The following LMBRD1 variants were observed in gnomAD, a reference collection of about 807,000 sequenced individuals.
The protein encoded by LMBRD1 is LMBR1 domain containing 1, also known as lysosomal cobalamin transport escort protein LMBD1.
A neutral mutation model predicts 74.8 loss-of-function variants in LMBRD1; 64 were observed. The observed-to-expected ratio is 0.86, with a 90% CI of 0.70 to 1.05. LMBRD1 has a LOEUF of 1.05. Ranked by LOEUF, LMBRD1 falls within the 50% of genes least tolerant of loss-of-function variation. The pLI, the probability that LMBRD1 is intolerant of heterozygous loss-of-function variation, is 0.00. For synonymous variants in LMBRD1, 204 were observed against 216.3 expected (o/e 0.94, Z 0.50); for missense variants, 652 against 645.9 (o/e 1.01, Z -0.10).
Position 69,753,446 on chromosome 6 carries a change from T to C in LMBRD1, c.308-1090A>G, listed in dbSNP as rs192612392. Among the ~76,000 whole-genome samples the C allele has an allele frequency of 1.1e-4, 16 of 152,286 alleles. 1 individual carries two copies. The highest frequency in any genetic ancestry group is 3.9e-4 in the East Asian group (2 of 5,186). On this transcript the variant is annotated intron_variant, in intron 3 of 15. Coordinates refer to ENST00000649934, the MANE Select transcript of LMBRD1 (RefSeq NM_018368.4). ...AAAACAATAATAATGACAAGTGTTG[T>C]CAAGGATGTGGAGGAACTGGAACCC...
intron 3 of LMBRD1, among the ~76,000 whole-genome samples, chr6:69,753,992 T>C (rs1582126989): frequency 6.6e-6 from 1 of 150,766 alleles, no homozygotes; most frequent in Non-Finnish European, 1.5e-5. Context: ...ACAACACAGA[T>C]GAACTTAGCA....
chr6:69,785,796 C>T (rs1765932199), intron 2 of LMBRD1, among the ~76,000 whole-genome samples: 1 of 152,182 alleles, frequency 6.6e-6, no homozygotes, highest in African/African-American at 2.4e-5. Flanking sequence ...AACAGTCTGG[C>T]TCCTGCCTTA....
intron 8 of LMBRD1, among the ~76,000 whole-genome samples, chr6:69,717,677 T>A (rs1303606100): frequency 6.6e-6 from 1 of 152,134 alleles, no homozygotes; most frequent in Admixed American, 6.6e-5. Flanking sequence ...TAGCACAGGT[T>A]TTGAATTGCT....
chr6:69,703,480 A>T (rs1293102360), intron 9 of LMBRD1, among the ~76,000 whole-genome samples: 9 of 148,788 alleles, frequency 6.0e-5, no homozygotes, highest in South Asian at 2.1e-4. Flanking sequence ...ATTTAAAATT[A>T]AAAAAAAAAC....
intron 14 of LMBRD1, among the ~76,000 whole-genome samples, chr6:69,686,868 T>C (rs368298518): frequency 1.3e-5 from 2 of 152,188 alleles, no homozygotes; most frequent in Non-Finnish European, 1.5e-5. Context: ...GCTACAGCCA[T>C]CCCTTAAGTA....
chr6:69,733,580 A>AGGG (rs1362828093), intron 7 of LMBRD1, among the ~76,000 whole-genome samples: 5 of 152,184 alleles, frequency 3.3e-5, no homozygotes, highest in African/African-American at 4.8e-5. Flanking sequence ...TATACACACC[A>AGGG]TGATGCCCCT....
intron 9 of LMBRD1, among the ~76,000 whole-genome samples, chr6:69,711,313 T>C (rs189760855): frequency 2.0e-5 from 3 of 152,208 alleles, no homozygotes; most frequent in East Asian, 3.9e-4. Context: ...TTACCTAAAG[T>C]CTGAGCTCAG....
At position 69,741,770 on chromosome 6, in the gene LMBRD1, T is replaced by TA. The variant is rs753603495; in HGVS notation, c.562+18dup. 1.4e-4 allele frequency: 198 copies of TA among 1,402,400 alleles called. No individual in the cohort carries two copies. The highest frequency in any genetic ancestry group is 1.7e-4 in the Non-Finnish European group (169 of 989,010). The allele number at this position is 1,402,400 out of a possible 1,614,324, so 86.9% of individuals were successfully genotyped here. ...AGGAAATATAAACTACTATGTTTTT[T>TA]AAAAAAAACAATACTTACGACTACT... On this transcript the variant is annotated intron_variant, in intron 6 of 15. Coordinates refer to ENST00000649934, the MANE Select transcript of LMBRD1 (RefSeq NM_018368.4).
chr6:69,712,017 GTGT>G (rs1766394106), intron 9 of LMBRD1, among the ~76,000 whole-genome samples: 1 of 152,030 alleles, frequency 6.6e-6, no homozygotes, highest in Admixed American at 6.6e-5. Context: ...GCCCCAGAGT[GTGT>G]TGTTCCCCTC....
At chr6:69,728,315 G>A (rs995545536) in intron 7 of LMBRD1, among the ~76,000 whole-genome samples, 9 of 152,102 alleles carry the variant, frequency 5.9e-5, no homozygotes, top group African/African-American at 1.2e-4. Context: ...CCACACCGCC[G>A]ACACTCGGGA....
At position 69,680,528 on chromosome 6, in the gene LMBRD1, C is replaced by T. The variant is rs571133819; in HGVS notation, c.1418-3987G>A. Among the ~76,000 whole-genome samples the T allele has an allele frequency of 4.6e-5, 7 of 151,988 alleles. No individual in the cohort carries two copies. In the East Asian group the frequency reaches 1.2e-3, roughly 25 times the overall value. ...ATTGGCTTATACTCTCTGACTCTTG[C>T]CCACCACCAAAACCATATCTTAAAT... On this transcript the variant is annotated intron_variant, in intron 14 of 15. Transcript: ENST00000649934.
intron 7 of LMBRD1, among the ~76,000 whole-genome samples, chr6:69,729,108 CT>C (rs1190234695): frequency 6.6e-6 from 1 of 151,214 alleles, no homozygotes; most frequent in Non-Finnish European, 1.5e-5. Context: ...TTAACTTTAT[CT>C]CATGCTTCTG....
intron 3 of LMBRD1, among the ~76,000 whole-genome samples, chr6:69,777,801 T>A (rs1158557711): frequency 6.6e-6 from 1 of 152,180 alleles, no homozygotes; most frequent in Non-Finnish European, 1.5e-5. Context: ...TTAAGAGGGA[T>A]AGGAAGGATT....
chr6:69,763,192 G>A (rs943180402), intron 3 of LMBRD1, among the ~76,000 whole-genome samples: 1 of 150,724 alleles, frequency 6.6e-6, no homozygotes, highest in African/African-American at 2.4e-5. Context: ...TGTTGAAGAA[G>A]TGGCTTGATT....
intron 7 of LMBRD1, among the ~76,000 whole-genome samples, chr6:69,724,722 A>G (rs184642753): frequency 3.2e-4 from 48 of 151,928 alleles, no homozygotes; most frequent in South Asian, 2.1e-4. Flanking sequence ...ATATACCTCA[A>G]TGTAATAAAA....
rs1219573703 is a variant in LMBRD1, at chr6:69,674,803, T to C, written c.*1355A>G. Among the ~76,000 whole-genome samples the C allele has an allele frequency of 5.9e-5, 9 of 152,004 alleles. No homozygotes were observed. The highest frequency in any genetic ancestry group is 2.6e-4 in the Admixed American group (4 of 15,264). On this transcript the variant is annotated 3_prime_UTR_variant, in exon 16 of 16. Coordinates refer to ENST00000649934, the MANE Select transcript of LMBRD1 (RefSeq NM_018368.4). ...GCCTGGCCAAGATGGTGAAACCCCA[T>C]CTCTGCTAAAAATACAAAAACTAGC...
chr6:69,685,849 T>C (rs936711916), intron 14 of LMBRD1, among the ~76,000 whole-genome samples: 1 of 152,032 alleles, frequency 6.6e-6, no homozygotes, highest in African/African-American at 2.4e-5. Flanking sequence ...CAATCTCGGT[T>C]TCACAAATCT....
chr6:69,718,149 T>C (rs1766532193), intron 8 of LMBRD1, among the ~76,000 whole-genome samples: 1 of 152,116 alleles, frequency 6.6e-6, no homozygotes, highest in South Asian at 2.1e-4. Flanking sequence ...TTGAGTAAGA[T>C]TTATCTGTTA....
chr6:69,684,513 C>A (rs910519233), intron 14 of LMBRD1, among the ~76,000 whole-genome samples: 2 of 152,012 alleles, frequency 1.3e-5, no homozygotes, highest in African/African-American at 2.4e-5. Flanking sequence ...GAAATGACTT[C>A]TCATGCAGAA....
Sources: allele counts gnomAD v4.1 joint callset (sites outside exome capture counted in the v4.1 genomes callset), GRCh38; gene constraint gnomAD v4.1.1; transcripts MANE v1.5; gene names NCBI Gene and HGNC (gene_info 2026-07-23, HGNC 2026-07-21).